The following DOCK1 variants were observed in gnomAD, a reference collection of about 807,000 sequenced individuals.
DOCK1 encodes the protein dedicator of cytokinesis 1, also known as dedicator of cytokinesis protein 1.
In DOCK1, 138 loss-of-function variants were observed where a neutral mutation model predicts 262.7. The ratio of observed to expected loss-of-function variants is 0.53; its 90% CI spans 0.46 to 0.61. The LOEUF (loss-of-function observed/expected upper bound fraction) is 0.61. DOCK1 is among the 20% of genes least tolerant of loss of function. DOCK1 has a pLI of 0.00. For synonymous variants in DOCK1, 866 were observed against 867.4 expected, an observed-to-expected ratio of 1.00 and a Z score of 0.03; for missense variants, 1,908 against 2,370.7, an observed-to-expected ratio of 0.80 and a Z score of 4.05.
intron 29 of DOCK1, among the ~76,000 whole-genome samples, chr10:127,261,643 GCATGT>G (rs1564945819): frequency 6.8e-5 from 5 of 73,294 alleles, no homozygotes; most frequent in Non-Finnish European, 1.1e-4. Context: ...ATGTGTACCT[GCATGT>G]GTGTGCATGT....
At chr10:127,035,826 A>G (rs143976896) in intron 18 of DOCK1, among the ~76,000 whole-genome samples, 133 of 151,988 alleles carry the variant, frequency 8.8e-4, no homozygotes, top group African/African-American at 2.9e-3. Flanking sequence ...CCTGGGCAAC[A>G]TGGCGAGTCC....
intron 29 of DOCK1, among the ~76,000 whole-genome samples, chr10:127,297,880 T>C (rs186744564): frequency 3.2e-4 from 49 of 152,180 alleles, no homozygotes; most frequent in African/African-American, 1.1e-3. Flanking sequence ...AGTGCCCGAT[T>C]TCACCACCCA....
intron 1 of DOCK1, among the ~76,000 whole-genome samples, chr10:126,968,600 G>A (rs748193417): frequency 1.1e-4 from 16 of 152,216 alleles, no homozygotes; most frequent in Admixed American, 2.6e-4. Flanking sequence ...ACAGGTGCTT[G>A]AATGTATTTA....
intron 27 of DOCK1, among the ~76,000 whole-genome samples, chr10:127,231,073 A>T (rs1044021474): frequency 6.6e-6 from 1 of 152,032 alleles, no homozygotes; most frequent in Non-Finnish European, 1.5e-5. Context: ...ATATTTTATC[A>T]CACGTTTGAT....
chr10:127,172,588 G>A (rs1055224364), intron 27 of DOCK1, among the ~76,000 whole-genome samples: 2 of 152,118 alleles, frequency 1.3e-5, no homozygotes, highest in African/African-American at 2.4e-5. Context: ...GCCCCATAAG[G>A]TGGCCTTGAA....
chr10:126,961,488 C>T (rs982644703), intron 1 of DOCK1, among the ~76,000 whole-genome samples: 2 of 152,332 alleles, frequency 1.3e-5, no homozygotes, highest in Non-Finnish European at 2.9e-5. Flanking sequence ...CTCACTCCTT[C>T]GTCCTCCCAG....
At chr10:127,310,693 G>A in intron 29 of DOCK1, among the ~76,000 whole-genome samples, 1 of 152,152 alleles carries the variant, frequency 6.6e-6, no homozygotes, top group East Asian at 1.9e-4. Flanking sequence ...CGCAGGAGTG[G>A]CCACAGAGCA....
At chr10:126,975,496 T>C (rs2038455138) in intron 2 of DOCK1, among the ~76,000 whole-genome samples, 2 of 152,264 alleles carry the variant, frequency 1.3e-5, no homozygotes, top group African/African-American at 4.8e-5. Flanking sequence ...GTGTTCTGCC[T>C]TCTACCACTC....
chr10:127,382,855 C>T (rs1043397211), intron 37 of DOCK1, among the ~76,000 whole-genome samples: 1 of 152,188 alleles, frequency 6.6e-6, no homozygotes, highest in East Asian at 1.9e-4. Flanking sequence ...TTATTGAGTA[C>T]AGATGGGTTT....
intron 27 of DOCK1, among the ~76,000 whole-genome samples, chr10:127,222,914 C>T (rs1349255313): frequency 5.3e-5 from 8 of 152,092 alleles, no homozygotes; most frequent in East Asian, 1.9e-4. Flanking sequence ...TGGGCTCAAG[C>T]GCTCCTTCTG....
intron 21 of DOCK1, among the ~76,000 whole-genome samples, chr10:127,047,541 A>G (rs2044430287): frequency 6.6e-6 from 1 of 152,194 alleles, no homozygotes; most frequent in Non-Finnish European, 1.5e-5. Flanking sequence ...AATTGTTATA[A>G]TTTGCATACA....
chr10:127,175,295 G>T lies in DOCK1; in HGVS notation c.2847+47531G>T, dbSNP rs1259117503. On this transcript the variant is annotated intron_variant, in intron 27 of 51. Transcript: ENST00000623213. The surrounding 1 kb of genome is among the most constrained non-coding windows in gnomAD (Gnocchi z 6.3). ...TGGTTTCTTGGCTTGAACTGATCAA[G>T]TTCTCCATCATCTGAAGTTGTGCTT... 1.2e-6 allele frequency: 2 copies of T among 1,614,000 alleles called. No homozygotes were observed. Among genetic ancestry groups the T allele is most frequent in the Non-Finnish European group, 1.7e-6 (2 of 1,180,032 alleles).
rs139838895 is a variant in DOCK1 at position 127,431,779 on chromosome 10, G to A, written c.4915-1504G>A. On this transcript the variant is annotated intron_variant, in intron 47 of 51. Coordinates refer to ENST00000623213, the MANE Select transcript of DOCK1 (RefSeq NM_001290223.2). ...TGCTTTTGTGCTGTCGTGGCAGCGC[G>A]TGCTAGTTTCCACAGAGACCATATG... Among the ~76,000 whole-genome samples the A allele has an allele frequency of 2.8e-4, 42 of 152,276 alleles. No homozygotes were observed. In the East Asian group the frequency reaches 4.6e-3, roughly 17 times the overall value.
chr10:127,444,382 G>A (rs1278391307), intron 50 of DOCK1, 103 bp downstream of exon 50: 1 of 1,380,602 alleles, frequency 7.2e-7, no homozygotes, highest in Admixed American at 2.8e-5. Context: ...CCTTGCAGCA[G>A]AGGGTGGGAG....
At position 126,940,609 on chromosome 10, in the gene DOCK1, G is replaced by C. The variant is rs941737786; in HGVS notation, c.47-30093G>C. 6.4e-3 allele frequency among the ~76,000 whole-genome samples: 971 copies of C among 152,120 alleles called. 10 individuals carry two copies. Among genetic ancestry groups the C allele is most frequent in the African/African-American group, 0.022 (920 of 41,484 alleles). On this transcript the variant is annotated intron_variant, in intron 1 of 51. Coordinates refer to ENST00000623213, the MANE Select transcript of DOCK1 (RefSeq NM_001290223.2). ...AGTAGAGACGGAGTTTCACCATGTT[G>C]GCCAGGCTAGTCTCGAACTCCTGAC...
chr10:127,125,451 T>G (rs755708115), intron 25 of DOCK1, 23 bp from the exon 26 acceptor site: 1 of 1,611,404 alleles, frequency 6.2e-7, no homozygotes, highest in South Asian at 1.1e-5. Context: ...TCACACTGAC[T>G]GGCAATGCTG....
In DOCK1 at chr10:127,100,146, T is replaced by G. The variant is rs1236139284; in HGVS notation, c.2446-6085T>G. Among the ~76,000 whole-genome samples the G allele has an allele frequency of 6.6e-6, 1 of 152,046 alleles. No individual in the cohort carries two copies. The highest frequency in any genetic ancestry group is 1.5e-5 in the Non-Finnish European group (1 of 67,996). On this transcript the variant is annotated intron_variant, in intron 23 of 51. Transcript: ENST00000623213. The surrounding 1 kb of genome is among the most constrained non-coding windows in gnomAD (Gnocchi z 5.5). ...CGTTGCCACAGTATCTAAATTCCAT[T>G]TGCATTTTCAGAAGGCTGCTCTGGC...
intron 43 of DOCK1, among the ~76,000 whole-genome samples, chr10:127,411,606 T>C (rs2067850835): frequency 6.6e-6 from 1 of 152,182 alleles, no homozygotes; most frequent in South Asian, 2.1e-4. Context: ...TTTGGGAGGC[T>C]GAGGCAGGTA....
At chr10:127,349,823 T>C (rs2386833) in intron 31 of DOCK1, among the ~76,000 whole-genome samples, 5,429 of 152,274 alleles carry the variant, frequency 0.036, 122 homozygotes, top group Non-Finnish European at 0.051. Flanking sequence ...CCCTGCCCCA[T>C]CTTCCTGTGG....
Sources: allele counts gnomAD v4.1 joint callset (sites outside exome capture counted in the v4.1 genomes callset), GRCh38; gene constraint gnomAD v4.1.1; non-coding constraint Gnocchi (gnomAD v3.1); transcripts MANE v1.5; gene names NCBI Gene and HGNC (gene_info 2026-07-23, HGNC 2026-07-21).